CD38: variants seen among roughly 807,000 people sequenced by gnomAD.
CD38 encodes the protein CD38 molecule.
Under a neutral mutation model 36.3 loss-of-function variants are expected in CD38, and 31 were observed. The ratio of observed to expected loss-of-function variants is 0.85; its 90% CI spans 0.64 to 1.15. The LOEUF (loss-of-function observed/expected upper bound fraction) is 1.15. Ranked by LOEUF, CD38 falls within the 50% of genes most tolerant of loss-of-function variation. The pLI, the probability that CD38 is intolerant of heterozygous loss-of-function variation, is 0.00. For missense variants in CD38, 380 were observed against 371.9 expected (o/e 1.02, Z -0.18); for synonymous variants, 131 against 135.2 (o/e 0.97, Z 0.22).
intron 1 of CD38, among the ~76,000 whole-genome samples, chr4:15,815,155 C>T (rs1374849020): frequency 1.3e-5 from 2 of 151,872 alleles, no homozygotes; most frequent in Non-Finnish European, 2.9e-5. Context: ...GGTACTAGTA[C>T]TGTAGTTACT....
At chr4:15,792,468 G>GAATGAAAAAAGAAAAAAAAAA (rs1723025638) in intron 1 of CD38, among the ~76,000 whole-genome samples, 1 of 142,498 alleles carries the variant, frequency 7.0e-6, no homozygotes, top group Non-Finnish European at 1.5e-5. Context: ...GAAAAAAAAA[G>GAATGAAAAAAGAAAAAAAAAA]AAAAGAAAAG....
At chr4:15,790,658 C>T (rs1462201397) in intron 1 of CD38, among the ~76,000 whole-genome samples, 1 of 151,382 alleles carries the variant, frequency 6.6e-6, no homozygotes, top group Non-Finnish European at 1.5e-5. Flanking sequence ...TATGAGGAGC[C>T]TCTCTGCCTG....
Position 15,852,142 on chromosome 4 carries a change from G to A in CD38, c.*3540G>A, listed in dbSNP as rs1420053027. ...CAATCCACAGTAATTGCAGCATCCA[G>A]TAGGTCTTACTTTAGCCCTGAGTCA... On this transcript the variant is annotated 3_prime_UTR_variant, in exon 8 of 8. Transcript: ENST00000226279. 1.3e-5 allele frequency: 2 copies of A among 152,230 alleles called. No homozygotes were observed. Among genetic ancestry groups the A allele is most frequent in the African/African-American group, 4.8e-5 (2 of 41,460 alleles). 9.4% of individuals were successfully genotyped at this position (152,230 alleles called of 1,614,324 possible).
At chr4:15,842,262 G>A (rs1420462093) in intron 7 of CD38, among the ~76,000 whole-genome samples, 4 of 133,690 alleles carry the variant, frequency 3.0e-5, no homozygotes, top group East Asian at 4.5e-4. Context: ...CCTGACCCCC[G>A]AGCAGCCTAA....
intron 3 of CD38, among the ~76,000 whole-genome samples, chr4:15,833,781 G>T (rs1271825954): frequency 6.6e-6 from 1 of 152,216 alleles, no homozygotes; most frequent in East Asian, 1.9e-4. Context: ...GGAAGACTCT[G>T]AGGCCATCTG....
At position 15,816,892 on chromosome 4, in the gene CD38, T is replaced by G. The variant is rs1413269972; in HGVS notation, c.363+252T>G. 2.3e-5 allele frequency: 10 copies of G among 429,280 alleles called. No homozygotes were observed. The South Asian group carries it at 2.6e-4, about 11-fold the overall frequency. The allele number at this position is 429,280 out of a possible 1,614,324, so 26.6% of individuals were successfully genotyped here. A position where few individuals can be genotyped will look rare whatever the true frequency, so the allele number is the denominator to read the frequency against. Reference sequence around the variant, plus strand: ...TAGGAAAGGGGCTTTGGCCAAAAACTAGGCAGAAAAAACCTAACACCAAAC... The same window carrying G: ...TAGGAAAGGGGCTTTGGCCAAAAACGAGGCAGAAAAAACCTAACACCAAAC... On this transcript the variant is annotated intron_variant, in intron 2 of 7. Coordinates refer to ENST00000226279, the MANE Select transcript of CD38 (RefSeq NM_001775.4).
chr4:15,812,221 A>C (rs1723489710), intron 1 of CD38, among the ~76,000 whole-genome samples: 1 of 152,182 alleles, frequency 6.6e-6, no homozygotes, highest in Non-Finnish European at 1.5e-5. Context: ...TTTTGAAATC[A>C]GGAAGTTTGT....
At chr4:15,835,528 C>G (rs1021021690) in intron 4 of CD38, among the ~76,000 whole-genome samples, 1 of 151,892 alleles carries the variant, frequency 6.6e-6, no homozygotes, top group African/African-American at 2.4e-5. Context: ...CAGGTGTGGG[C>G]CACTATGCCC....
intron 7 of CD38, among the ~76,000 whole-genome samples, chr4:15,841,798 C>T (rs1011024017): frequency 3.5e-5 from 5 of 141,600 alleles, no homozygotes; most frequent in East Asian, 2.1e-4. Context: ...AAAGGGGTGA[C>T]GGACGCACCT....
rs546290462 is a variant in CD38 at position 15,839,688 on chromosome 4, G to C, written c.660-338G>C. On this transcript the variant is annotated intron_variant, in intron 5 of 7. Transcript: ENST00000226279. Reference sequence around the variant, plus strand: ...TCTGCCTGCCTCGGCCTCCCAAATTGCTGGGATTACAGGCATGAGCCACCA... The same window carrying C: ...TCTGCCTGCCTCGGCCTCCCAAATTCCTGGGATTACAGGCATGAGCCACCA... Among the ~76,000 whole-genome samples the C allele has an allele frequency of 1.8e-3, 280 of 152,082 alleles. 1 individual carries two copies. The highest frequency in any genetic ancestry group is 6.5e-3 in the African/African-American group (271 of 41,474).
At position 15,838,178 on chromosome 4, in the gene CD38, T is replaced by A; in HGVS notation, c.659+13T>A. The A allele has an allele frequency of 6.3e-7, 1 of 1,587,936 alleles. No homozygotes were observed. Among genetic ancestry groups the A allele is most frequent in the Non-Finnish European group, 8.6e-7 (1 of 1,156,348 alleles). ...TTGACAAAAACAGGTACACATTTAT[T>A]TTGCATCCTGTTTGCAAGTATCCTG... On this transcript the variant is annotated intron_variant, in intron 5 of 7. Coordinates refer to ENST00000226279, the MANE Select transcript of CD38 (RefSeq NM_001775.4).
chr4:15,847,667 T>C (rs1029651932), intron 7 of CD38, among the ~76,000 whole-genome samples: 2 of 133,628 alleles, frequency 1.5e-5, no homozygotes, highest in Admixed American at 7.6e-5. Flanking sequence ...TTCAAAGATA[T>C]GTTGCATGGA....
chr4:15,818,514 T>C (rs1723656046), intron 2 of CD38, among the ~76,000 whole-genome samples: 1 of 152,148 alleles, frequency 6.6e-6, no homozygotes, highest in Non-Finnish European at 1.5e-5. Context: ...AAAGGACGGA[T>C]TGCCTCCTCA....
chr4:15,839,323 G>T (rs908276661), intron 5 of CD38, among the ~76,000 whole-genome samples: 4 of 151,296 alleles, frequency 2.6e-5, no homozygotes, highest in African/African-American at 9.7e-5. Flanking sequence ...TCAAAGCATT[G>T]CCTCTCAAAC....
chr4:15,791,219 G>A (rs1259794966), intron 1 of CD38, among the ~76,000 whole-genome samples: 1 of 67,514 alleles, frequency 1.5e-5, no homozygotes, highest in South Asian at 4.9e-4. Flanking sequence ...TCCGGGAGGT[G>A]AGGGGCGCCT....
intron 2 of CD38, among the ~76,000 whole-genome samples, chr4:15,823,498 C>G (rs1723783390): frequency 6.6e-6 from 1 of 152,054 alleles, no homozygotes; most frequent in Non-Finnish European, 1.5e-5. Context: ...ACAGCCCCAT[C>G]AAAAAGTGGG....
chr4:15,785,049 CTG>C (rs1722782157), intron 1 of CD38, among the ~76,000 whole-genome samples: 1 of 104,468 alleles, frequency 9.6e-6, no homozygotes, highest in African/African-American at 6.0e-5. Context: ...GAGCAAGACT[CTG>C]TCTTAAAAAA....
At chr4:15,784,150 G>C (rs891565066) in intron 1 of CD38, among the ~76,000 whole-genome samples, 3 of 152,204 alleles carry the variant, frequency 2.0e-5, no homozygotes, top group African/African-American at 7.2e-5. Flanking sequence ...TGTGCAGTTA[G>C]TGCTGCGCTA....
intron 7 of CD38, among the ~76,000 whole-genome samples, chr4:15,847,813 T>G (rs1370537449): frequency 6.6e-6 from 1 of 152,202 alleles, no homozygotes; most frequent in East Asian, 1.9e-4. Context: ...TATATTATAA[T>G]TCGTCAACTC....
Sources: gnomAD v4.1 joint callset for allele counts (sites outside exome capture counted in the v4.1 genomes callset) on GRCh38, gnomAD v4.1.1 for gene constraint, MANE v1.5 for transcripts, NCBI Gene and HGNC (gene_info 2026-07-23, HGNC 2026-07-21) for gene names.